The following TMCO4 variants were observed in gnomAD, a reference collection of about 807,000 sequenced individuals.
TMCO4 encodes transmembrane and coiled-coil domain-containing protein 4.
Under a neutral mutation model 64.7 loss-of-function variants are expected in TMCO4, and 58 were observed. The ratio of observed to expected loss-of-function variants is 0.90; its 90% CI spans 0.73 to 1.12. The LOEUF is 1.12. Ranked by LOEUF, TMCO4 falls within the 50% of genes most tolerant of loss-of-function variation. The probability of loss-of-function intolerance (pLI) is 0.00; values close to 1 mark genes in which losing one functional copy is unlikely to be tolerated. For missense variants in TMCO4, 780 were observed against 825.9 expected, an observed-to-expected ratio of 0.94 and a Z score of 0.68; for synonymous variants, 325 against 346.1, an observed-to-expected ratio of 0.94 and a Z score of 0.68.
chr1:19,700,669 G>A, intron 14 of TMCO4, 99 bp downstream of exon 14: 3 of 1,108,554 alleles, frequency 2.7e-6, no homozygotes, highest in Non-Finnish European at 4.0e-6. Flanking sequence ...TCCAGGACAG[G>A]GATTAGGTCT....
rs1349889122 is a variant in TMCO4 at position 19,740,842 on chromosome 1, T to A, written c.977A>T (p.Glu326Val). The change falls in exon 11 of 16, where the codon GAG becomes GTG. Residue 326 changes from glutamate (E) to valine (V), a missense_variant. Coordinates refer to ENST00000294543, the MANE Select transcript of TMCO4 (RefSeq NM_181719.7). ...KYLMELGNAL[E>V]TILSGLANMV... Reference sequence around the variant, plus strand: ...GTTGGCGAGACCACTGAGGATGGTCTCCAGGGCATTGCCGAGCTCCATCAG... The same window carrying A: ...GTTGGCGAGACCACTGAGGATGGTCACCAGGGCATTGCCGAGCTCCATCAG... 1 of 1,613,984 alleles carries A rather than the reference T, an allele frequency of 6.2e-7. No individual in the cohort carries two copies.
intron 2 of TMCO4, among the ~76,000 whole-genome samples, chr1:19,796,183 G>A (rs1208348628): frequency 1.3e-5 from 2 of 152,214 alleles, no homozygotes; most frequent in Admixed American, 1.3e-4. Context: ...CTTTACAGAT[G>A]AGAAAACTGA....
chr1:19,703,871 C>T (rs1389121068), intron 13 of TMCO4, among the ~76,000 whole-genome samples: 1 of 152,088 alleles, frequency 6.6e-6, no homozygotes, highest in Non-Finnish European at 1.5e-5. Context: ...GGTCTGAGTT[C>T]CCTCACACAC....
chr1:19,710,529 A>G (rs2095326120), intron 13 of TMCO4, among the ~76,000 whole-genome samples: 1 of 152,020 alleles, frequency 6.6e-6, no homozygotes, highest in Admixed American at 6.6e-5. Context: ...CTTCACAACA[A>G]TCCTAGGAGG....
At chr1:19,783,777 A>G (rs551827070) in intron 3 of TMCO4, among the ~76,000 whole-genome samples, 5 of 152,330 alleles carry the variant, frequency 3.3e-5, no homozygotes, top group African/African-American at 7.2e-5. Context: ...CTACACCAGC[A>G]CAGGGATCTT....
intron 3 of TMCO4, among the ~76,000 whole-genome samples, chr1:19,783,886 C>A (rs1481749872): frequency 6.6e-6 from 1 of 152,194 alleles, no homozygotes; most frequent in Non-Finnish European, 1.5e-5. Context: ...CTCTAGGAAC[C>A]CACGTTTGAG....
chr1:19,789,429 A>G (rs982960733), intron 2 of TMCO4, among the ~76,000 whole-genome samples: 2 of 151,972 alleles, frequency 1.3e-5, no homozygotes, highest in African/African-American at 4.8e-5. Flanking sequence ...ATAAATAAAT[A>G]ACAAAACATC....
chr1:19,788,991 C>T (rs996379995), intron 2 of TMCO4, among the ~76,000 whole-genome samples: 3 of 151,698 alleles, frequency 2.0e-5, no homozygotes, highest in African/African-American at 4.8e-5. Flanking sequence ...AGGAGAATGG[C>T]GTGAACCCGG....
intron 13 of TMCO4, among the ~76,000 whole-genome samples, chr1:19,733,691 C>T (rs2095440330): frequency 1.3e-5 from 2 of 152,056 alleles, no homozygotes; most frequent in African/African-American, 4.8e-5. Flanking sequence ...CTCCAGGTGA[C>T]AATTACTGGT....
intron 15 of TMCO4, among the ~76,000 whole-genome samples, chr1:19,686,664 A>T (rs1432072792): frequency 6.6e-6 from 1 of 152,204 alleles, no homozygotes; most frequent in Non-Finnish European, 1.5e-5. Flanking sequence ...AGGCACAGCC[A>T]GTGCCCCTCT....
intron 15 of TMCO4, among the ~76,000 whole-genome samples, chr1:19,691,448 CTGG>C (rs2095194029): frequency 6.6e-6 from 1 of 152,184 alleles, no homozygotes; most frequent in African/African-American, 2.4e-5. Context: ...ACAGCAGCAC[CTGG>C]TGAAGTTTTG....
At chr1:19,747,631 C>G (rs1218368062) in intron 7 of TMCO4, among the ~76,000 whole-genome samples, 2 of 152,184 alleles carry the variant, frequency 1.3e-5, no homozygotes, top group African/African-American at 4.8e-5. Context: ...CTCCTCCCCT[C>G]CCTTCTTCCC....
intron 15 of TMCO4, 108 bp downstream of exon 15, chr1:19,694,326 T>C (rs2095219937): frequency 1.1e-6 from 1 of 895,244 alleles, no homozygotes. Context: ...ATGATCTTTC[T>C]CCTGTGGCGT....
At chr1:19,766,317 C>A (rs941324958) in intron 6 of TMCO4, among the ~76,000 whole-genome samples, 3 of 152,202 alleles carry the variant, frequency 2.0e-5, no homozygotes, top group African/African-American at 4.8e-5. Flanking sequence ...ACGACACCAA[C>A]CTTTTCCTTA....
At chr1:19,719,817 A>AC (rs1177149145) in intron 13 of TMCO4, among the ~76,000 whole-genome samples, 1 of 151,734 alleles carries the variant, frequency 6.6e-6, no homozygotes, top group Non-Finnish European at 1.5e-5. Context: ...ACATGGCAAA[A>AC]CCCCGTCCCT....
chr1:19,764,842 C>CAAAA (rs33963523), intron 6 of TMCO4, among the ~76,000 whole-genome samples: 3 of 70,414 alleles, frequency 4.3e-5, no homozygotes, highest in African/African-American at 1.2e-4. Context: ...AACTCTGTCT[C>CAAAA]AAAAAAAAAA....
chr1:19,742,775 A>T (rs548982276), intron 10 of TMCO4, among the ~76,000 whole-genome samples: 3 of 152,300 alleles, frequency 2.0e-5, no homozygotes, highest in Admixed American at 2.0e-4. Flanking sequence ...GGTGGGGATC[A>T]CAGGAGATGC....
chr1:19,718,650 C>CA (rs754998314), intron 13 of TMCO4, among the ~76,000 whole-genome samples: 21 of 63,308 alleles, frequency 3.3e-4, no homozygotes, highest in East Asian at 2.5e-3. Flanking sequence ...GACCGTCTCT[C>CA]AAAAAAAAAA....
chr1:19,783,284 G>A (rs1007830870), intron 3 of TMCO4, among the ~76,000 whole-genome samples: 1 of 152,192 alleles, frequency 6.6e-6, no homozygotes, highest in African/African-American at 2.4e-5. Flanking sequence ...CCCTGATACA[G>A]CCAGTCAATG....
Sources: gnomAD v4.1 joint callset for allele counts (sites outside exome capture counted in the v4.1 genomes callset) on GRCh38, gnomAD v4.1.1 for gene constraint, MANE v1.5 for transcripts, NCBI Gene and HGNC (gene_info 2026-07-23, HGNC 2026-07-21) for gene names.